MSI1: variants seen among roughly 807,000 people sequenced by gnomAD.
MSI1 encodes the protein RNA-binding protein Musashi homolog 1.
MSI1 carries 15 observed loss-of-function variants against 54.4 expected under a neutral mutation model. The observed-to-expected ratio is 0.28, with a 90% confidence interval of 0.18 to 0.42. The LOEUF is 0.42. Among genes scored for constraint, MSI1 ranks in the 20% least tolerant of loss-of-function variants. The probability of loss-of-function intolerance (pLI) is 1.00; values close to 1 mark genes in which losing one functional copy is unlikely to be tolerated. For synonymous variants in MSI1, 200 were observed against 196.5 expected (o/e 1.02, Z -0.15); for missense variants, 304 against 506.0 (o/e 0.60, Z 3.83).
intron 11 of MSI1, among the ~76,000 whole-genome samples, chr12:120,350,652 T>C (rs1211304929): frequency 2.0e-5 from 3 of 152,208 alleles, no homozygotes; most frequent in African/African-American, 7.2e-5. Context: ...CCCCACGTGC[T>C]TGCAGTCTCC....
chr12:120,362,412 C>T (rs1372292686), intron 6 of MSI1, among the ~76,000 whole-genome samples: 1 of 152,180 alleles, frequency 6.6e-6, no homozygotes, highest in Non-Finnish European at 1.5e-5. Context: ...AGAGGACACC[C>T]TAATGTCGGA....
intron 11 of MSI1, among the ~76,000 whole-genome samples, chr12:120,348,117 C>T (rs1049761024): frequency 1.6e-4 from 21 of 133,938 alleles, no homozygotes; most frequent in African/African-American, 5.5e-4. Flanking sequence ...AAGGGCCTCC[C>T]TGACCACCCA....
intron 10 of MSI1, among the ~76,000 whole-genome samples, chr12:120,351,713 T>C (rs528058447): frequency 0.07 from 970 of 13,880 alleles, 3 homozygotes; most frequent in African/African-American, 0.096. Flanking sequence ...CTTTCTCTCT[T>C]TTTTTTTTTT....
Position 120,368,905 on chromosome 12 carries a change from C to G in MSI1, c.60-32G>C, listed in dbSNP as rs569872978. 7.3e-7 allele frequency: 1 copy of G among 1,374,780 alleles called. No individual in the cohort carries two copies. The highest frequency in any genetic ancestry group is 9.6e-7 in the Non-Finnish European group (1 of 1,046,450). The allele number at this position is 1,374,780 out of a possible 1,614,324, so 85.2% of individuals were successfully genotyped here. On this transcript the variant is annotated intron_variant, in intron 1 of 14. Transcript: ENST00000257552. The surrounding 1 kb of genome is among the most constrained non-coding windows in gnomAD (Gnocchi z 6.6). ...GAGGAGGAGAGACACAAAGGGCCCG[C>G]GTGAGCGCCGGGCGCCAGGGCGCAG... is the stretch of plus-strand genomic sequence containing the variant.
At chr12:120,351,769 C>T (rs1214107301) in intron 10 of MSI1, among the ~76,000 whole-genome samples, 11 of 147,516 alleles carry the variant, frequency 7.5e-5, no homozygotes, top group African/African-American at 1.8e-4. Context: ...AGTGCAGTGG[C>T]GCGATCTCGG....
chr12:120,361,813 C>A, intron 6 of MSI1, among the ~76,000 whole-genome samples: 1 of 151,890 alleles, frequency 6.6e-6, no homozygotes, highest in East Asian at 2.0e-4. Flanking sequence ...CTGGCCTCCC[C>A]GGGCCGGTTT....
rs531353994 is a variant in MSI1, at chr12:120,366,196, A to G, written c.268-1441T>C. 9.9e-5 allele frequency among the ~76,000 whole-genome samples: 15 copies of G among 152,270 alleles called. No homozygotes were observed. In the South Asian group the frequency reaches 2.3e-3, roughly 23 times the overall value. On this transcript the variant is annotated intron_variant, in intron 4 of 14. Coordinates refer to ENST00000257552, the MANE Select transcript of MSI1 (RefSeq NM_002442.4). ...CACCAGCCAATCGCAGGGAAGATCTATCTTTTCCCAAAGTTCCTTCTGTTC... is the reference window on the plus strand; with the variant it reads ...CACCAGCCAATCGCAGGGAAGATCTGTCTTTTCCCAAAGTTCCTTCTGTTC...
Position 120,368,313 on chromosome 12 carries a change from G to A in MSI1, c.101-40C>T. ...CCGCCTTCGGACCAGCCCGGGCCCC[G>A]CGCCCTTCCCCCCCCCCCGTCCTTT... On this transcript the variant is annotated intron_variant, in intron 2 of 14. Coordinates refer to ENST00000257552, the MANE Select transcript of MSI1 (RefSeq NM_002442.4). This position sits in a 1 kb window ranked among gnomAD's most constrained non-coding sequence, Gnocchi z 6.6. 6.7e-7 allele frequency: 1 copy of A among 1,486,536 alleles called. No individual in the cohort carries two copies. The highest frequency in any genetic ancestry group is 8.9e-7 in the Non-Finnish European group (1 of 1,124,108). The allele number at this position is 1,486,536 out of a possible 1,614,324, so 92.1% of individuals were successfully genotyped here.
At chr12:120,358,903 G>T in intron 7 of MSI1, 102 bp downstream of exon 7, 1 of 1,320,616 alleles carries the variant, frequency 7.6e-7, no homozygotes, top group Non-Finnish European at 1.1e-6. Flanking sequence ...CAGATCCTGG[G>T]GGATAGGATG....
intron 6 of MSI1, among the ~76,000 whole-genome samples, chr12:120,359,926 G>A (rs373236301): frequency 1.3e-5 from 2 of 151,974 alleles, no homozygotes; most frequent in Admixed American, 6.6e-5. Context: ...AAGCCATCAA[G>A]CCATGGGTAA....
chr12:120,339,720 C>G (rs1371693239), downstream of MSI1, among the ~76,000 whole-genome samples: 1 of 151,986 alleles, frequency 6.6e-6, no homozygotes, highest in African/African-American at 2.4e-5. Flanking sequence ...AAGGCAACAT[C>G]CTTATCTTCG....
At chr12:120,356,787 A>G in intron 9 of MSI1, 115 bp downstream of exon 9, 1 of 931,954 alleles carries the variant, frequency 1.1e-6, no homozygotes. Flanking sequence ...CTCCTGCTCA[A>G]TGACTCAGAC....
At position 120,344,735 on chromosome 12, in the gene MSI1, C is replaced by T. The variant is rs547063984; in HGVS notation, c.*21+835G>A. Among the ~76,000 whole-genome samples the T allele has an allele frequency of 1.5e-3, 228 of 149,928 alleles. 2 individuals carry two copies. The highest frequency in any genetic ancestry group is 5.2e-3 in the African/African-American group (210 of 40,570). Reference sequence around the variant, plus strand: ...AAAATAATAATAATAGGGCTGGGCACGGTGGCTCACCCCTGTAATCCCAGC... The same window carrying T: ...AAAATAATAATAATAGGGCTGGGCATGGTGGCTCACCCCTGTAATCCCAGC... On this transcript the variant is annotated intron_variant, in intron 14 of 14. Transcript: ENST00000257552.
chr12:120,352,246 ATCC>A (rs1874677913), intron 10 of MSI1, among the ~76,000 whole-genome samples: 1 of 152,086 alleles, frequency 6.6e-6, no homozygotes, highest in Non-Finnish European at 1.5e-5. Context: ...GGCTCAAGCC[ATCC>A]TCCCATCTCA....
intron 14 of MSI1, 119 bp downstream of exon 14, chr12:120,345,451 C>G: frequency 2.5e-6 from 2 of 810,162 alleles, no homozygotes; most frequent in Non-Finnish European, 4.1e-6. Flanking sequence ...GTATAAAGAT[C>G]TGTCTCCCCT....
In MSI1 at chr12:120,344,948, G is replaced by A. The variant is rs921261346; in HGVS notation, c.*21+622C>T. Reference sequence around the variant, plus strand: ...CGAGAATTGCTTGAACCCAGGGGACGAGTTTGCAGTGAGCCAAGATTGCGC... The same window carrying A: ...CGAGAATTGCTTGAACCCAGGGGACAAGTTTGCAGTGAGCCAAGATTGCGC... On this transcript the variant is annotated intron_variant, in intron 14 of 14. Coordinates refer to ENST00000257552, the MANE Select transcript of MSI1 (RefSeq NM_002442.4). Among the ~76,000 whole-genome samples, 7 of 150,188 alleles carry A rather than the reference G, an allele frequency of 4.7e-5. No individual in the cohort carries two copies. The East Asian group carries it at 1.2e-3, about 26-fold the overall frequency.
chr12:120,358,639 C>T (rs1374227869), intron 7 of MSI1, among the ~76,000 whole-genome samples: 1 of 152,004 alleles, frequency 6.6e-6, no homozygotes, highest in Non-Finnish European at 1.5e-5. Flanking sequence ...GGGGGCTGGG[C>T]AGGAGGTGAC....
intron 6 of MSI1, among the ~76,000 whole-genome samples, chr12:120,361,726 G>A (rs1875663006): frequency 2.0e-5 from 3 of 151,252 alleles, no homozygotes; most frequent in Admixed American, 1.3e-4. Flanking sequence ...GATCCGGGCG[G>A]GGGGCCCCCC....
chr12:120,350,927 G>A (rs1874542994), intron 11 of MSI1, among the ~76,000 whole-genome samples: 1 of 152,224 alleles, frequency 6.6e-6, no homozygotes, highest in African/African-American at 2.4e-5. Flanking sequence ...AGCATAGTGA[G>A]TCTGTGTCCC....
Sources: allele counts gnomAD v4.1 joint callset (sites outside exome capture counted in the v4.1 genomes callset), GRCh38; gene constraint gnomAD v4.1.1; non-coding constraint Gnocchi (gnomAD v3.1); transcripts MANE v1.5; gene names NCBI Gene and HGNC (gene_info 2026-07-23, HGNC 2026-07-21).